Variants in KALRN observed in about 807,000 individuals in gnomAD.
The protein encoded by KALRN is kalirin.
In KALRN, 70 loss-of-function variants were observed where a neutral mutation model predicts 353.7. That is an observed-to-expected ratio of 0.20 (90% CI 0.16 to 0.24). The LOEUF (loss-of-function observed/expected upper bound fraction) is 0.24. Ranked by LOEUF, KALRN falls within the 10% of genes least tolerant of loss-of-function variation. The probability of loss-of-function intolerance (pLI) is 1.00; values close to 1 mark genes in which losing one functional copy is unlikely to be tolerated. For synonymous variants in KALRN, 1,391 were observed against 1,434.8 expected, an observed-to-expected ratio of 0.97 and a Z score of 0.69; for missense variants, 2,791 against 3,756.7, an observed-to-expected ratio of 0.74 and a Z score of 6.72.
At chr3:124,415,612 C>T (rs2092453119) in intron 14 of KALRN, among the ~76,000 whole-genome samples, 2 of 152,304 alleles carry the variant, frequency 1.3e-5, no homozygotes, top group South Asian at 4.1e-4. Flanking sequence ...CTTCAATAGT[C>T]TAAGGGTCAA....
chr3:124,132,777 T>C (rs1057037707), intron 1 of KALRN, among the ~76,000 whole-genome samples: 23 of 152,324 alleles, frequency 1.5e-4, no homozygotes, highest in African/African-American at 5.3e-4. Context: ...CCAAGTTCTT[T>C]CATGAGAGCT....
intron 33 of KALRN, among the ~76,000 whole-genome samples, chr3:124,510,526 T>C (rs1474950615): frequency 6.6e-6 from 1 of 152,156 alleles, no homozygotes; most frequent in Non-Finnish European, 1.5e-5. Flanking sequence ...TGAGGGTTTT[T>C]TTTTTGTTTC....
intron 25 of KALRN, 159 bp downstream of exon 25, chr3:124,462,792 A>G (rs2059975969): frequency 7.0e-6 from 4 of 568,674 alleles, no homozygotes; most frequent in South Asian, 2.2e-5. Flanking sequence ...CCCTTTCTCC[A>G]TAATTGTCCG....
chr3:124,154,923 A>G (rs369602733), intron 1 of KALRN, among the ~76,000 whole-genome samples: 2 of 152,250 alleles, frequency 1.3e-5, no homozygotes, highest in East Asian at 1.9e-4. Flanking sequence ...ATATAGATCA[A>G]TGGAACAGAA....
intron 25 of KALRN, 106 bp downstream of exon 25, chr3:124,462,739 G>T: frequency 1.6e-6 from 1 of 639,092 alleles, no homozygotes; most frequent in Non-Finnish European, 2.8e-6. Context: ...TATCTGGTCA[G>T]TTTTCTAAGG....
chr3:124,068,466 G>A (rs2042565321), intron 1 of KALRN, among the ~76,000 whole-genome samples: 1 of 152,210 alleles, frequency 6.6e-6, no homozygotes, highest in African/African-American at 2.4e-5. Flanking sequence ...GTTCCTGGGA[G>A]GATTCTTTTT....
chr3:124,521,262 T>C (rs1037454940), intron 33 of KALRN, among the ~76,000 whole-genome samples: 6 of 152,206 alleles, frequency 3.9e-5, no homozygotes. Flanking sequence ...CTGGGCATTA[T>C]GAAGTGGGTG....
chr3:124,553,839 G>C (rs557260627), intron 33 of KALRN, among the ~76,000 whole-genome samples: 1 of 152,380 alleles, frequency 6.6e-6, no homozygotes, highest in Admixed American at 6.5e-5. Flanking sequence ...GTGTTGCAGA[G>C]GCAAAGTTGC....
At chr3:124,546,379 A>G (rs2109424661) in intron 33 of KALRN, among the ~76,000 whole-genome samples, 1 of 151,946 alleles carries the variant, frequency 6.6e-6, no homozygotes, top group South Asian at 2.1e-4. Flanking sequence ...TGGGGGGATC[A>G]CTTGAACCTG....
At position 124,492,750 on chromosome 3, in the gene KALRN, T is replaced by C. The variant is rs760985257; in HGVS notation, c.4700T>C (p.Ile1567Thr). The change falls in exon 32 of 60, where the codon ATT (isoleucine) becomes ACT (threonine). Residue 1567 changes from isoleucine (I) to threonine (T), a missense_variant. Ile to Thr is a moderately conservative substitution (Grantham distance 89). This residue lies in a region of KALRN where 239 missense variants were observed against 351.3 expected (regional missense o/e 0.68). Coordinates refer to ENST00000682506, the MANE Select transcript of KALRN (RefSeq NM_001388419.1). ...CCTGTGGCACTCTAGGCCTCCAACA[T>C]TGAAACCAAGCAGGAGTGGATCAAG... The part of the protein sequence containing the change: ...DNKTVLKASN[I>T]ETKQEWIKNI... 1.9e-6 allele frequency: 3 copies of C among 1,613,854 alleles called. No homozygotes were observed. The highest frequency in any genetic ancestry group is 2.2e-5 in the East Asian group (1 of 44,872).
chr3:124,415,943 C>T (rs111420909), intron 14 of KALRN, among the ~76,000 whole-genome samples: 4 of 152,204 alleles, frequency 2.6e-5, no homozygotes, highest in African/African-American at 9.6e-5. Flanking sequence ...TTCTAGGACA[C>T]AGACTGTACC....
At chr3:124,275,729 C>A (rs1246810422) in intron 5 of KALRN, among the ~76,000 whole-genome samples, 2 of 152,186 alleles carry the variant, frequency 1.3e-5, no homozygotes, top group Admixed American at 6.5e-5. Flanking sequence ...TCCAAATGAA[C>A]CTGCTCTAAA....
At chr3:124,716,015 A>C (rs1348330410) in intron 58 of KALRN, among the ~76,000 whole-genome samples, 1 of 152,046 alleles carries the variant, frequency 6.6e-6, no homozygotes, top group Admixed American at 6.6e-5. Flanking sequence ...ATAATGAATA[A>C]TAATTGTTAT....
intron 6 of KALRN, among the ~76,000 whole-genome samples, chr3:124,318,010 G>C (rs1372083183): frequency 6.6e-6 from 1 of 152,168 alleles, no homozygotes; most frequent in Non-Finnish European, 1.5e-5. Context: ...CTGAGAGAGA[G>C]AGAGGAGCTT....
At chr3:124,405,155 C>T (rs2091373362) in intron 13 of KALRN, among the ~76,000 whole-genome samples, 1 of 152,176 alleles carries the variant, frequency 6.6e-6, no homozygotes, top group South Asian at 2.1e-4. Flanking sequence ...AAATTAATTT[C>T]AGGATCACTG....
At chr3:124,185,275 C>G (rs1488987678) in intron 1 of KALRN, among the ~76,000 whole-genome samples, 2 of 152,232 alleles carry the variant, frequency 1.3e-5, no homozygotes, top group African/African-American at 4.8e-5. Context: ...CTTGGCCTCC[C>G]AAATTGCTGG....
Position 124,684,179 on chromosome 3 carries a change from C to T in KALRN, c.7377+4662C>T, listed in dbSNP as rs75339318. Among the ~76,000 whole-genome samples, 535 of 152,200 alleles carry T rather than the reference C, an allele frequency of 3.5e-3. 2 individuals carry two copies. Among genetic ancestry groups the T allele is most frequent in the Middle Eastern group, 0.014 (4 of 294 alleles). On this transcript the variant is annotated intron_variant, in intron 51 of 59. Transcript: ENST00000682506. ...TTTAACAGAGCCACAGGAACTTGTC[C>T]TTTTCTGTTTGAAAACTGGAAGGTG...
intron 56 of KALRN, 119 bp from the exon 57 acceptor site, chr3:124,701,919 A>AGTGG (rs2062361065): frequency 1.4e-6 from 1 of 695,940 alleles, no homozygotes; most frequent in Admixed American, 2.2e-5. Flanking sequence ...CCACTGAGTC[A>AGTGG]GACTCCATAT....
chr3:124,618,803 G>T (rs2078949075), intron 34 of KALRN, among the ~76,000 whole-genome samples: 2 of 152,140 alleles, frequency 1.3e-5, no homozygotes, highest in African/African-American at 4.8e-5. Context: ...CTCGGAAATT[G>T]GTAGGTGCCT....
Sources: allele counts gnomAD v4.1 joint callset (sites outside exome capture counted in the v4.1 genomes callset), GRCh38; gene constraint gnomAD v4.1.1; regional missense constraint gnomAD v4.1.1; transcripts MANE v1.5; gene names NCBI Gene and HGNC (gene_info 2026-07-23, HGNC 2026-07-21).